CTNNA3: variants seen among roughly 807,000 people sequenced by gnomAD.
The protein encoded by CTNNA3 is catenin alpha 3.
In CTNNA3, 76 loss-of-function variants were observed where a neutral mutation model predicts 95.7. The observed-to-expected ratio is 0.79, with a 90% CI of 0.66 to 0.96. CTNNA3 has a LOEUF of 0.96. Ranked by LOEUF, CTNNA3 falls within the 40% of genes least tolerant of loss-of-function variation. The probability of loss-of-function intolerance (pLI) is 0.00; values close to 1 mark genes in which losing one functional copy is unlikely to be tolerated. For synonymous variants in CTNNA3, 431 were observed against 374.4 expected, an observed-to-expected ratio of 1.15 and a Z score of -1.74; for missense variants, 1,191 against 1,089.8, an observed-to-expected ratio of 1.09 and a Z score of -1.31.
intron 2 of CTNNA3, among the ~76,000 whole-genome samples, chr10:67,613,209 C>G (rs1264259224): frequency 3.3e-5 from 5 of 152,110 alleles, no homozygotes; most frequent in Non-Finnish European, 4.4e-5. Context: ...GCTCCTTGTT[C>G]GTAGCTCTTG....
intron 11 of CTNNA3, among the ~76,000 whole-genome samples, chr10:66,409,380 C>T (rs917431994): frequency 6.7e-6 from 1 of 149,840 alleles, no homozygotes; most frequent in Admixed American, 6.7e-5. Context: ...TCTAATTCTA[C>T]AGAGAATTTT....
chr10:66,672,672 C>A (rs1846706907), intron 9 of CTNNA3, among the ~76,000 whole-genome samples: 1 of 152,054 alleles, frequency 6.6e-6, no homozygotes, highest in Admixed American at 6.6e-5. Flanking sequence ...ACGTAAATTA[C>A]CTCTTTACTT....
At chr10:67,509,959 T>G (rs966509655) in intron 5 of CTNNA3, among the ~76,000 whole-genome samples, 1 of 152,258 alleles carries the variant, frequency 6.6e-6, no homozygotes, top group African/African-American at 2.4e-5. Context: ...TGAGCATTTT[T>G]TCATGTGTCT....
chr10:67,595,257 T>C (rs879240371), intron 3 of CTNNA3, among the ~76,000 whole-genome samples: 2 of 152,214 alleles, frequency 1.3e-5, no homozygotes, highest in Admixed American at 1.3e-4. Flanking sequence ...TCTGCCTTTT[T>C]GATGTGGGCA....
chr10:66,643,418 A>T (rs1845584151), intron 9 of CTNNA3, among the ~76,000 whole-genome samples: 1 of 152,116 alleles, frequency 6.6e-6, no homozygotes, highest in Non-Finnish European at 1.5e-5. Context: ...CCCTGTCAAC[A>T]TTTATTTTAG....
At chr10:65,982,076 G>A (rs2078330872) in intron 16 of CTNNA3, among the ~76,000 whole-genome samples, 1 of 150,784 alleles carries the variant, frequency 6.6e-6, no homozygotes, top group Non-Finnish European at 1.5e-5. Context: ...CCGAATGGGA[G>A]AAAGATCATC....
chr10:67,389,767 G>A lies in CTNNA3; in HGVS notation c.579+132075C>T, dbSNP rs917366591. Among the ~76,000 whole-genome samples, 126 of 151,598 alleles carry A rather than the reference G, an allele frequency of 8.3e-4. 1 individual carries two copies. Among genetic ancestry groups the A allele is most frequent in the African/African-American group, 2.7e-3 (113 of 41,246 alleles). On this transcript the variant is annotated intron_variant, in intron 5 of 17. Coordinates refer to ENST00000433211, the MANE Select transcript of CTNNA3 (RefSeq NM_013266.4). The stretch of plus-strand genomic sequence containing the variant: ...AGGATTAAGAATCTCACTCAAAACC[G>A]CTCAACTACATGGAAACTGAACAAC...
intron 5 of CTNNA3, among the ~76,000 whole-genome samples, chr10:67,324,743 T>C (rs930656574): frequency 5.3e-5 from 8 of 152,026 alleles, no homozygotes; most frequent in African/African-American, 1.9e-4. Context: ...ATCAGGATGA[T>C]GCTGGCCTCA....
Position 66,878,575 on chromosome 10 carries a change from A to G in CTNNA3, c.1048-103051T>C, listed in dbSNP as rs575211189. On this transcript the variant is annotated intron_variant, in intron 7 of 17. Transcript: ENST00000433211. Reference sequence around the variant, plus strand: ...CTTACCATTTATTTTGATGTTCTAAATGGAGCTGCCCTCTGCCTGTCCATA... The same window carrying G: ...CTTACCATTTATTTTGATGTTCTAAGTGGAGCTGCCCTCTGCCTGTCCATA... Among the ~76,000 whole-genome samples the G allele has an allele frequency of 2.0e-5, 3 of 152,206 alleles. No individual in the cohort carries two copies. In the South Asian group the frequency reaches 6.2e-4, roughly 32 times the overall value.
intron 12 of CTNNA3, among the ~76,000 whole-genome samples, chr10:66,312,627 A>G (rs376346558): frequency 6.6e-6 from 1 of 151,686 alleles, no homozygotes; most frequent in Non-Finnish European, 1.5e-5. Context: ...ACTTACCGCA[A>G]TCTCCACCTC....
At chr10:67,283,013 T>C (rs1188574993) in intron 5 of CTNNA3, among the ~76,000 whole-genome samples, 1 of 152,162 alleles carries the variant, frequency 6.6e-6, no homozygotes, top group Non-Finnish European at 1.5e-5. Flanking sequence ...TCTATTTTGT[T>C]TGACATTCCA....
chr10:66,998,937 A>C (rs1051894914), intron 7 of CTNNA3, among the ~76,000 whole-genome samples: 1 of 152,164 alleles, frequency 6.6e-6, no homozygotes, highest in African/African-American at 2.4e-5. Context: ...TTTAAAACTG[A>C]ACATATACAT....
intron 9 of CTNNA3, 143 bp downstream of exon 9, chr10:66,766,121 C>T: frequency 2.8e-6 from 2 of 704,904 alleles, no homozygotes; most frequent in Non-Finnish European, 4.8e-6. Context: ...CGGACATATA[C>T]ACCTTCATAT....
chr10:66,403,307 A>G (rs1420534195), intron 11 of CTNNA3, among the ~76,000 whole-genome samples: 4 of 146,494 alleles, frequency 2.7e-5, no homozygotes, highest in Non-Finnish European at 4.6e-5. Context: ...CTGGTATATT[A>G]GTCCATTCTT....
chr10:67,483,592 A>C (rs1848326891), intron 5 of CTNNA3, among the ~76,000 whole-genome samples: 1 of 149,808 alleles, frequency 6.7e-6, no homozygotes, highest in Admixed American at 6.7e-5. Flanking sequence ...GGAACATCAC[A>C]CTCTGGGGAC....
chr10:66,326,503 G>A (rs1464710304), intron 12 of CTNNA3, among the ~76,000 whole-genome samples: 14 of 151,942 alleles, frequency 9.2e-5, no homozygotes, highest in Admixed American at 9.2e-4. Flanking sequence ...AGGTATATAA[G>A]GCATGAGTCA....
At chr10:65,966,129 A>C (rs1281505134) in intron 17 of CTNNA3, among the ~76,000 whole-genome samples, 1 of 152,208 alleles carries the variant, frequency 6.6e-6, no homozygotes. Context: ...AAGTTTTATC[A>C]TACTCCATTT....
intron 5 of CTNNA3, among the ~76,000 whole-genome samples, chr10:67,347,713 T>C (rs1042304841): frequency 4.6e-5 from 7 of 151,694 alleles, no homozygotes; most frequent in African/African-American, 1.7e-4. Context: ...GTAATTTAGG[T>C]TTTGAGGTGT....
intron 7 of CTNNA3, among the ~76,000 whole-genome samples, chr10:67,071,407 A>G (rs1249499560): frequency 6.7e-6 from 1 of 148,340 alleles, no homozygotes. Context: ...ACAGAATTGT[A>G]GGTTTGCAGT....
Sources: allele counts gnomAD v4.1 joint callset (sites outside exome capture counted in the v4.1 genomes callset), GRCh38; gene constraint gnomAD v4.1.1; transcripts MANE v1.5; gene names NCBI Gene and HGNC (gene_info 2026-07-23, HGNC 2026-07-21).